Variants in CWF19L1 observed in about 807,000 individuals in gnomAD.
The protein encoded by CWF19L1 is CWF19 like cell cycle control factor 1.
CWF19L1 carries 60 observed loss-of-function variants against 69.7 expected under a neutral mutation model. That is an observed-to-expected ratio of 0.86 (90% CI 0.70 to 1.07). The LOEUF is 1.07. CWF19L1 is among the 50% of genes least tolerant of loss of function. CWF19L1 has a pLI of 0.00. For synonymous variants in CWF19L1, 209 were observed against 222.2 expected, an observed-to-expected ratio of 0.94 and a Z score of 0.53; for missense variants, 591 against 638.9, an observed-to-expected ratio of 0.92 and a Z score of 0.81.
At chr10:100,253,187 G>A (rs1161725346) in intron 6 of CWF19L1, among the ~76,000 whole-genome samples, 1 of 152,042 alleles carries the variant, frequency 6.6e-6, no homozygotes, top group African/African-American at 2.4e-5. Context: ...GCCTGGCCCT[G>A]AAAAGGAAAA....
intron 7 of CWF19L1, chr10:100,248,449 AACC>A (rs1846905318): frequency 2.9e-6 from 2 of 689,198 alleles, no homozygotes; most frequent in South Asian, 1.5e-5. Context: ...TGGGTACACA[AACC>A]TATTATCTTT....
chr10:100,255,488 T>C (rs1279208913), intron 5 of CWF19L1, among the ~76,000 whole-genome samples: 1 of 151,300 alleles, frequency 6.6e-6, no homozygotes, highest in African/African-American at 2.4e-5. Flanking sequence ...CTACTAAAAA[T>C]ACAAAAAAAT....
Position 100,236,918 on chromosome 10 carries a change from A to C in CWF19L1, c.1306T>G (p.Phe436Val). The change falls in exon 12 of 14, where the codon TTC becomes GTC. Residue 436 changes from phenylalanine to valine, a missense_variant. By Grantham distance (50) the Phe-to-Val change is conservative. Transcript: ENST00000354105. Reference protein sequence around the residue: ...CSTTDDIKDAFITQAQEQQIE... With the variant: ...CSTTDDIKDAVITQAQEQQIE... ...TGCTGCTCCTGTGCCTGGGTAATGA[A>C]GGCATCTTTAATGTCATCAGTAGTA... 1 of 1,612,030 alleles carries C rather than the reference A, an allele frequency of 6.2e-7. No homozygotes were observed. The highest frequency in any genetic ancestry group is 8.5e-7 in the Non-Finnish European group (1 of 1,178,988).
In CWF19L1 at chr10:100,233,383, GCA is replaced by G. The variant is rs756895113; in HGVS notation, c.1473-14_1473-13del. ...TGGCCAGGACCTCCCTGCAGAAATA[GCA>G]CAAAGAAGTCAAAATGGAAACTATC... On this transcript the variant is annotated splice_polypyrimidine_tract_variant and intron_variant, in intron 13 of 13. Coordinates refer to ENST00000354105, the MANE Select transcript of CWF19L1 (RefSeq NM_018294.6). The G allele has an allele frequency of 8.4e-5, 135 of 1,606,736 alleles. 1 individual carries two copies. Among genetic ancestry groups the G allele is most frequent in the Non-Finnish European group, 1.0e-5 (12 of 1,176,192 alleles).
At chr10:100,260,730 C>T (rs1186066822) in intron 3 of CWF19L1, among the ~76,000 whole-genome samples, 2 of 152,106 alleles carry the variant, frequency 1.3e-5, no homozygotes, top group South Asian at 2.1e-4. Flanking sequence ...ACCATGTTGG[C>T]CAGGCTGGTC....
At chr10:100,258,977 C>T (rs2134318044) in intron 4 of CWF19L1, among the ~76,000 whole-genome samples, 1 of 149,986 alleles carries the variant, frequency 6.7e-6, no homozygotes, top group East Asian at 2.0e-4. Context: ...CTGAGGCAGG[C>T]GGGTCACCAG....
At chr10:100,234,623 T>C (rs1010051799) in intron 13 of CWF19L1, among the ~76,000 whole-genome samples, 2 of 152,168 alleles carry the variant, frequency 1.3e-5, no homozygotes, top group Non-Finnish European at 2.9e-5. Context: ...CTTGGAGGCT[T>C]TCTGAATTAG....
intron 6 of CWF19L1, among the ~76,000 whole-genome samples, chr10:100,251,586 A>T (rs2134302915): frequency 7.7e-6 from 1 of 130,688 alleles, no homozygotes; most frequent in African/African-American, 3.0e-5. Flanking sequence ...ATCTCTGCTC[A>T]CTGCAAGCTC....
intron 9 of CWF19L1, among the ~76,000 whole-genome samples, chr10:100,245,024 A>G (rs1846765355): frequency 7.3e-6 from 1 of 136,604 alleles, no homozygotes. Context: ...AAGAATATCA[A>G]CTTTTTTTTT....
At chr10:100,267,133 A>ACCC (rs1847622155) in intron 1 of CWF19L1, among the ~76,000 whole-genome samples, 1 of 39,382 alleles carries the variant, frequency 2.5e-5, no homozygotes. Flanking sequence ...CACCACCCCC[A>ACCC]CCCCTCCTCC....
rs1275907203 is a variant in CWF19L1, at chr10:100,237,903, C to A, written c.1254+119G>T. ...AGCTCAGGCAATCCAACCGCTTCGG[C>A]CTCCCAAAGTGCTAGGATTACAGGC... On this transcript the variant is annotated intron_variant, in intron 11 of 13. Coordinates refer to ENST00000354105, the MANE Select transcript of CWF19L1 (RefSeq NM_018294.6). 2.8e-5 allele frequency: 26 copies of A among 914,520 alleles called. 1 individual carries two copies. Among genetic ancestry groups the A allele is most frequent in the Non-Finnish European group, 4.5e-5 (26 of 582,226 alleles). 56.7% of individuals were successfully genotyped at this position (914,520 alleles called of 1,614,324 possible). A position where few individuals can be genotyped will look rare whatever the true frequency, so the allele number is the denominator to read the frequency against.
chr10:100,238,372 T>C (rs1846522098), intron 10 of CWF19L1, 141 bp from the exon 11 acceptor site: 2 of 707,490 alleles, frequency 2.8e-6, no homozygotes, highest in African/African-American at 1.8e-5. Context: ...CTTGAAAAAA[T>C]CTGATTTTAG....
chr10:100,266,057 C>T (rs150502926), intron 1 of CWF19L1, among the ~76,000 whole-genome samples: 3 of 152,188 alleles, frequency 2.0e-5, no homozygotes, highest in Non-Finnish European at 2.9e-5. Context: ...CAATGGATTA[C>T]TCTTATTTCC....
intron 5 of CWF19L1, among the ~76,000 whole-genome samples, chr10:100,255,660 GGC>G (rs1342236046): frequency 6.6e-6 from 1 of 152,040 alleles, no homozygotes; most frequent in African/African-American, 2.4e-5. Flanking sequence ...CTACTTGGGA[GGC>G]TGAGGCAGGT....
chr10:100,256,835 C>A lies in CWF19L1; in HGVS notation c.290-359G>T, dbSNP rs78019920. Among the ~76,000 whole-genome samples, 63 of 152,248 alleles carry A rather than the reference C, an allele frequency of 4.1e-4. 2 individuals are homozygous for A. In the East Asian group the frequency reaches 0.012, roughly 29 times the overall value. ...GGACTTAAATGCAGACATCTGGACA[C>A]AGGAAAAGGCAATGCGAAGAAAAAT... On this transcript the variant is annotated intron_variant, in intron 4 of 13. Transcript: ENST00000354105.
In CWF19L1 at chr10:100,238,153, C is replaced by T; in HGVS notation, c.1123G>A (p.Val375Met). The change falls in exon 11 of 14, where the codon GTG becomes ATG. Residue 375 changes from valine to methionine, a missense_variant. By Grantham distance (21) the Val-to-Met change is conservative. Coordinates refer to ENST00000354105, the MANE Select transcript of CWF19L1 (RefSeq NM_018294.6). ...ILPIGHYQSV[V>M]ELSAEVVEEV... ...TCTACCACCTCTGCTGAAAGCTCCA[C>T]CACTGACTGGTAGTGTCCAATAGGC... 1.2e-6 allele frequency: 2 copies of T among 1,614,080 alleles called. No individual in the cohort carries two copies. The highest frequency in any genetic ancestry group is 2.2e-5 in the East Asian group (1 of 44,894).
Position 100,248,833 on chromosome 10 carries a change from G to A in CWF19L1, c.708+1415C>T, listed in dbSNP as rs1009906896. On this transcript the variant is annotated intron_variant, in intron 7 of 13. Coordinates refer to ENST00000354105, the MANE Select transcript of CWF19L1 (RefSeq NM_018294.6). ...AGCCAAACAGGTGGCTCAGCGGGAAGCAGAGAGCACCAGATTTGTGGCAGA... is the reference window on the plus strand; with the variant it reads ...AGCCAAACAGGTGGCTCAGCGGGAAACAGAGAGCACCAGATTTGTGGCAGA... The A allele has an allele frequency of 2.2e-5, 29 of 1,289,004 alleles. No homozygotes were observed. The South Asian group carries it at 3.2e-4, about 14-fold the overall frequency. 79.8% of individuals were successfully genotyped at this position (1,289,004 alleles called of 1,614,324 possible).
intron 6 of CWF19L1, among the ~76,000 whole-genome samples, chr10:100,253,009 T>A (rs974638057): frequency 4.2e-4 from 64 of 152,274 alleles, no homozygotes; most frequent in African/African-American, 1.5e-3. Context: ...TATTTATTTG[T>A]GGTAAAAAAT....
chr10:100,238,824 C>T (rs1350702283), intron 10 of CWF19L1, among the ~76,000 whole-genome samples: 5 of 149,526 alleles, frequency 3.3e-5, no homozygotes, highest in African/African-American at 5.0e-5. Context: ...CCCAGCTACT[C>T]GGGAGGCTGA....
Sources: allele counts gnomAD v4.1 joint callset (sites outside exome capture counted in the v4.1 genomes callset), GRCh38; gene constraint gnomAD v4.1.1; transcripts MANE v1.5; gene names NCBI Gene and HGNC (gene_info 2026-07-23, HGNC 2026-07-21).